The following GPD2 variants were observed in gnomAD, a reference collection of about 807,000 sequenced individuals.
GPD2 encodes the protein glycerol-3-phosphate dehydrogenase 2, also known as glycerol-3-phosphate dehydrogenase, mitochondrial.
A neutral mutation model predicts 82.4 loss-of-function variants in GPD2; 54 were observed. The ratio of observed to expected loss-of-function variants is 0.66; its 90% CI spans 0.53 to 0.82. The LOEUF is 0.82. Among genes scored for constraint, GPD2 ranks in the 40% least tolerant of loss-of-function variants. The pLI is 0.00. For synonymous variants in GPD2, 288 were observed against 306.1 expected, an observed-to-expected ratio of 0.94 and a Z score of 0.62; for missense variants, 748 against 896.2, an observed-to-expected ratio of 0.83 and a Z score of 2.11.
chr2:156,441,172 C>T (rs894521426), intron 1 of GPD2, among the ~76,000 whole-genome samples: 2 of 152,176 alleles, frequency 1.3e-5, no homozygotes, highest in Admixed American at 1.3e-4. Context: ...CCAGAGAGGA[C>T]ACCCCTTCTC....
chr2:156,466,209 C>G (rs925054110), intron 1 of GPD2, among the ~76,000 whole-genome samples: 2 of 152,206 alleles, frequency 1.3e-5, no homozygotes, highest in African/African-American at 4.8e-5. Context: ...AACACAAATC[C>G]GTGAATATAT....
chr2:156,530,557 G>T (rs1685811946), intron 6 of GPD2, among the ~76,000 whole-genome samples: 1 of 150,160 alleles, frequency 6.7e-6, no homozygotes, highest in Admixed American at 6.7e-5. Context: ...GTATGATATT[G>T]GCTGTGGGTT....
At chr2:156,572,424 C>G (rs752795062) in intron 13 of GPD2, among the ~76,000 whole-genome samples, 3 of 152,056 alleles carry the variant, frequency 2.0e-5, no homozygotes, top group Non-Finnish European at 4.4e-5. Flanking sequence ...CACCCTGATT[C>G]AGGTCACCGG....
At chr2:156,425,095 T>TA in the GPD2 span, among the ~76,000 whole-genome samples, 3 of 151,658 alleles carry the variant, frequency 2.0e-5, no homozygotes, top group South Asian at 2.1e-4. Flanking sequence ...TTTTATTTTT[T>TA]TTTTTGTTTT....
chr2:156,436,538 T>TC (rs1681924479), intron 1 of GPD2, 25 bp downstream of exon 1: 1 of 152,132 alleles, frequency 6.6e-6, no homozygotes. Flanking sequence ...GGAGACCCCT[T>TC]CCCCCGCCTC....
At chr2:156,509,244 A>G (rs1417623525) in intron 3 of GPD2, among the ~76,000 whole-genome samples, 2 of 152,182 alleles carry the variant, frequency 1.3e-5, no homozygotes, top group Admixed American at 1.3e-4. Flanking sequence ...AAAGTTCTCT[A>G]CTTTTCTCTC....
At chr2:156,408,857 G>A in the GPD2 span, among the ~76,000 whole-genome samples, 1 of 152,036 alleles carries the variant, frequency 6.6e-6, no homozygotes, top group East Asian at 1.9e-4. Flanking sequence ...GCATGTTGAA[G>A]TAAAAAATTT....
chr2:156,571,254 A>C lies in GPD2; in HGVS notation c.1729A>C (p.Met577Leu). 1.2e-6 allele frequency: 2 copies of C among 1,612,438 alleles called. No individual in the cohort carries two copies. Among genetic ancestry groups the C allele is most frequent in the Non-Finnish European group, 1.7e-6 (2 of 1,178,812 alleles). ...EEALPRIVEL[M>L]GRELNWDDYK... ...AGCCCTACCCAGGATTGTTGAACTGATGGGCAGGGAACTGAATTGGGATGA... is the reference window on the plus strand; with the variant it reads ...AGCCCTACCCAGGATTGTTGAACTGCTGGGCAGGGAACTGAATTGGGATGA... The change falls in exon 13 of 17, where the codon ATG becomes CTG. Residue 577 changes from methionine (M) to leucine (L), a missense_variant. Coordinates refer to ENST00000438166, the MANE Select transcript of GPD2 (RefSeq NM_000408.5).
chr2:156,578,076 C>G (rs1687890527), intron 13 of GPD2, among the ~76,000 whole-genome samples: 1 of 152,026 alleles, frequency 6.6e-6, no homozygotes, highest in South Asian at 2.1e-4. Flanking sequence ...ACAATATATG[C>G]TACAATAAAG....
chr2:156,520,983 G>A (rs1685386042), intron 6 of GPD2, among the ~76,000 whole-genome samples: 1 of 152,104 alleles, frequency 6.6e-6, no homozygotes, highest in African/African-American at 2.4e-5. Context: ...AGAAAAGTTG[G>A]GGGTACATTG....
intron 1 of GPD2, among the ~76,000 whole-genome samples, chr2:156,445,160 T>C (rs1175251990): frequency 6.6e-6 from 1 of 152,250 alleles, no homozygotes; most frequent in Admixed American, 6.5e-5. Context: ...GTTGCCATTT[T>C]CTAGGCACTG....
At chr2:156,540,289 A>G (rs993054777) in intron 6 of GPD2, among the ~76,000 whole-genome samples, 1 of 152,172 alleles carries the variant, frequency 6.6e-6, no homozygotes, top group Non-Finnish European at 1.5e-5. Flanking sequence ...CTATCATTGC[A>G]TCTACCTCTG....
intron 3 of GPD2, among the ~76,000 whole-genome samples, chr2:156,509,829 A>G (rs1444418817): frequency 7.2e-5 from 10 of 138,224 alleles, no homozygotes; most frequent in African/African-American, 2.8e-5. Flanking sequence ...GCTGGAGTGC[A>G]GTGGCATGAT....
chr2:156,459,770 G>A (rs1398655240), intron 1 of GPD2, among the ~76,000 whole-genome samples: 1 of 151,164 alleles, frequency 6.6e-6, no homozygotes, highest in Admixed American at 6.6e-5. Flanking sequence ...TGAAGTCCAG[G>A]GAAGTCTGAT....
At chr2:156,449,720 A>G (rs1235670197) in intron 1 of GPD2, among the ~76,000 whole-genome samples, 1 of 152,124 alleles carries the variant, frequency 6.6e-6, no homozygotes, top group African/African-American at 2.4e-5. Context: ...TTAAAGATAG[A>G]AAAAAGTGGC....
intron 1 of GPD2, among the ~76,000 whole-genome samples, chr2:156,453,561 T>G (rs1682689252): frequency 6.6e-6 from 1 of 151,906 alleles, no homozygotes; most frequent in Non-Finnish European, 1.5e-5. Context: ...AGAGGTGAGG[T>G]GGTTGAGGAA....
At chr2:156,564,990 G>A (rs1687327820) in intron 9 of GPD2, among the ~76,000 whole-genome samples, 2 of 152,042 alleles carry the variant, frequency 1.3e-5, no homozygotes, top group African/African-American at 4.8e-5. Flanking sequence ...GTTTTACATA[G>A]TGTTCCTGGA....
At chr2:156,400,937 C>T in the GPD2 span, among the ~76,000 whole-genome samples, 1 of 152,166 alleles carries the variant, frequency 6.6e-6, no homozygotes. Context: ...CACATCTAGG[C>T]CGCCCAAAAA....
At chr2:156,490,968 A>C (rs945995264) in intron 2 of GPD2, among the ~76,000 whole-genome samples, 1 of 124,462 alleles carries the variant, frequency 8.0e-6, no homozygotes, top group Non-Finnish European at 1.9e-5. Context: ...ATGAGTTTTG[A>C]TAAGTTTATA....
Sources: allele counts gnomAD v4.1 joint callset (sites outside exome capture counted in the v4.1 genomes callset), GRCh38; gene constraint gnomAD v4.1.1; transcripts MANE v1.5; gene names NCBI Gene and HGNC (gene_info 2026-07-23, HGNC 2026-07-21).